Variants in SSU72 observed in about 807,000 individuals in gnomAD.
SSU72 encodes the protein SSU72 homolog, RNA polymerase II CTD phosphatase, also known as RNA polymerase II subunit A C-terminal domain phosphatase SSU72.
SSU72 carries 12 observed loss-of-function variants against 22.7 expected under a neutral mutation model. The ratio of observed to expected loss-of-function variants is 0.53; its 90% CI spans 0.34 to 0.86. The LOEUF (loss-of-function observed/expected upper bound fraction) is 0.86. Among genes scored for constraint, SSU72 ranks in the 40% least tolerant of loss-of-function variants. SSU72 has a pLI of 0.02. For synonymous variants in SSU72, 116 were observed against 98.3 expected (o/e 1.18, Z -1.06); for missense variants, 151 against 249.8 (o/e 0.60, Z 2.67).
In SSU72 at chr1:1,574,843, C is replaced by G. The variant is rs551051775; in HGVS notation, c.-286G>C. ...GTCCGCAGCAGAGACCCGCACTCCA[C>G]AAGGCCCGGCTGAGCGTCACGGCGC... On this transcript the variant is annotated 5_prime_UTR_variant, in exon 1 of 5. Coordinates refer to ENST00000291386, the MANE Select transcript of SSU72 (RefSeq NM_014188.3). The G allele has an allele frequency of 2.8e-6, 1 of 358,516 alleles. No homozygotes were observed. Among genetic ancestry groups the G allele is most frequent in the African/African-American group, 2.2e-5 (1 of 46,424 alleles). The allele number at this position is 358,516 out of a possible 1,614,324, so 22.2% of individuals were successfully genotyped here. A position where few individuals can be genotyped will look rare whatever the true frequency, so the allele number is the denominator to read the frequency against.
At chr1:1,559,409 A>G (rs191778130) in intron 2 of SSU72, among the ~76,000 whole-genome samples, 7 of 152,330 alleles carry the variant, frequency 4.6e-5, no homozygotes, top group African/African-American at 1.4e-4. Context: ...TGAAACCCAC[A>G]GAACTGGACA....
intron 2 of SSU72, among the ~76,000 whole-genome samples, chr1:1,547,580 T>C (rs984406886): frequency 6.6e-6 from 1 of 152,122 alleles, no homozygotes; most frequent in Non-Finnish European, 1.5e-5. Context: ...GACCAAGCCA[T>C]GAGCTCACAG....
At chr1:1,566,304 T>A (rs561654947) in intron 1 of SSU72, among the ~76,000 whole-genome samples, 1 of 152,280 alleles carries the variant, frequency 6.6e-6, no homozygotes, top group Admixed American at 6.5e-5. Flanking sequence ...ATAGAACATG[T>A]GTTCTTGTAA....
chr1:1,564,352 G>C (rs1032705946), intron 2 of SSU72: 2 of 951,826 alleles, frequency 2.1e-6, no homozygotes, highest in Non-Finnish European at 3.0e-6. Flanking sequence ...GACCTCACCA[G>C]ATGTGTGAAG....
intron 2 of SSU72, among the ~76,000 whole-genome samples, chr1:1,560,162 A>G (rs1277328583): frequency 3.3e-5 from 5 of 152,046 alleles, no homozygotes; most frequent in Non-Finnish European, 7.4e-5. Flanking sequence ...CCATGTATGT[A>G]TACTATTAAT....
At chr1:1,559,671 C>T (rs1329025081) in intron 2 of SSU72, among the ~76,000 whole-genome samples, 4 of 152,246 alleles carry the variant, frequency 2.6e-5, no homozygotes, top group South Asian at 2.1e-4. Context: ...GTGACCCTCC[C>T]GCCTCAGCCA....
chr1:1,541,808 A>T lies in SSU72; in HGVS notation c.*258T>A. On this transcript the variant is annotated 3_prime_UTR_variant, in exon 5 of 5. Coordinates refer to ENST00000291386, the MANE Select transcript of SSU72 (RefSeq NM_014188.3). ...GACACAGGTATGTCGGGAAGTGCAC[A>T]CAAACCGTTGTCTTTCCTTTTTGGT... is the stretch of plus-strand genomic sequence containing the variant. 2.1e-6 allele frequency: 1 copy of T among 472,730 alleles called. No individual in the cohort carries two copies. Among genetic ancestry groups the T allele is most frequent in the Non-Finnish European group, 3.9e-6 (1 of 258,442 alleles). 29.3% of individuals were successfully genotyped at this position (472,730 alleles called of 1,614,324 possible).
Position 1,542,184 on chromosome 1 carries a change from G to C in SSU72, c.484-17C>G, listed in dbSNP as rs186790150. The C allele has an allele frequency of 6.4e-7, 1 of 1,567,218 alleles. No homozygotes were observed. Among genetic ancestry groups the C allele is most frequent in the Non-Finnish European group, 8.7e-7 (1 of 1,155,536 alleles). On this transcript the variant is annotated splice_polypyrimidine_tract_variant and intron_variant, in intron 4 of 4. Transcript: ENST00000291386. This position sits in a 1 kb window ranked among gnomAD's most constrained non-coding sequence, Gnocchi z 4.4. ...GTGCTGGATCTGCAAGGACAGGACC[G>C]TGGTGAGGGCCTTGCCCACTCCTGC...
rs374293278 is a variant in SSU72, at chr1:1,542,055, G to A, written c.*11C>T. On this transcript the variant is annotated 3_prime_UTR_variant, in exon 5 of 5. Coordinates refer to ENST00000291386, the MANE Select transcript of SSU72 (RefSeq NM_014188.3). This position sits in a 1 kb window ranked among gnomAD's most constrained non-coding sequence, Gnocchi z 4.4. ...GGAAGCTCCAGAGGCGGCTCCATGC[G>A]GGCGCTGGGCTCAGTAGAAGCAGAC... 20 of 1,565,384 alleles carry A rather than the reference G, an allele frequency of 1.3e-5. No individual in the cohort carries two copies. Among genetic ancestry groups the A allele is most frequent in the Middle Eastern group, 1.7e-4 (1 of 6,024 alleles).
intron 2 of SSU72, 77 bp from the exon 3 acceptor site, chr1:1,545,079 C>T: frequency 1.3e-6 from 2 of 1,534,482 alleles, no homozygotes; most frequent in Admixed American, 1.8e-5. Context: ...TCCTGGACAC[C>T]CAGCCCCTTC....
At chr1:1,552,982 T>C (rs1013259225) in intron 2 of SSU72, among the ~76,000 whole-genome samples, 49 of 146,034 alleles carry the variant, frequency 3.4e-4, no homozygotes, top group Non-Finnish European at 5.6e-4. Flanking sequence ...GATTGCGCCA[T>C]TGCACTCCAG....
Position 1,574,673 on chromosome 1 carries a change from C to T in SSU72, c.-116G>A. The T allele has an allele frequency of 2.7e-6, 3 of 1,105,128 alleles. No homozygotes were observed. Among genetic ancestry groups the T allele is most frequent in the Non-Finnish European group, 2.5e-6 (2 of 803,234 alleles). The allele number at this position is 1,105,128 out of a possible 1,614,324, so 68.5% of individuals were successfully genotyped here. A position where few individuals can be genotyped will look rare whatever the true frequency, so the allele number is the denominator to read the frequency against. ...GGAAGCGGGCGACGCGAAACGACGGCGCCGGCGGTGTAGCGTGCGGCGACT... is the reference window on the plus strand; with the variant it reads ...GGAAGCGGGCGACGCGAAACGACGGTGCCGGCGGTGTAGCGTGCGGCGACT... On this transcript the variant is annotated 5_prime_UTR_variant, in exon 1 of 5. Coordinates refer to ENST00000291386, the MANE Select transcript of SSU72 (RefSeq NM_014188.3).
chr1:1,562,952 G>A (rs1225253012), intron 2 of SSU72: 9 of 152,366 alleles, frequency 5.9e-5, no homozygotes, highest in Non-Finnish European at 1.0e-4. Context: ...TCTGCCACCA[G>A]GATGGCTCCC....
chr1:1,560,292 T>C (rs1570393422), intron 2 of SSU72, among the ~76,000 whole-genome samples: 1 of 152,102 alleles, frequency 6.6e-6, no homozygotes. Flanking sequence ...CCCGAGTAGC[T>C]GTGCCACCAC....
chr1:1,542,007 G>A lies in SSU72; in HGVS notation c.*59C>T. The stretch of plus-strand genomic sequence containing the variant: ...CACCTGTAAGTAAAAACAAATGTCA[G>A]GAAGGAAAAAGTATGAACAACAGGA... On this transcript the variant is annotated 3_prime_UTR_variant, in exon 5 of 5. Coordinates refer to ENST00000291386, the MANE Select transcript of SSU72 (RefSeq NM_014188.3). The surrounding 1 kb of genome is among the most constrained non-coding windows in gnomAD (Gnocchi z 4.4). 1 of 1,497,040 alleles carries A rather than the reference G, an allele frequency of 6.7e-7. No homozygotes were observed. 92.7% of individuals were successfully genotyped at this position (1,497,040 alleles called of 1,614,324 possible). A position where few individuals can be genotyped will look rare whatever the true frequency, so the allele number is the denominator to read the frequency against.
intron 2 of SSU72, chr1:1,564,230 G>GACA (rs1273903222): frequency 5.7e-6 from 2 of 351,850 alleles, no homozygotes; most frequent in Non-Finnish European, 5.2e-6. Context: ...AGTCTTCGCG[G>GACA]CAGACCTAGC....
chr1:1,555,313 C>T (rs72634806), intron 2 of SSU72, among the ~76,000 whole-genome samples: 78 of 152,334 alleles, frequency 5.1e-4, no homozygotes, highest in Middle Eastern at 6.8e-3. Flanking sequence ...GAGACAGCCT[C>T]GGCGGCGCTG....
intron 1 of SSU72, 111 bp downstream of exon 1, chr1:1,574,367 G>T: frequency 8.3e-7 from 1 of 1,199,214 alleles, no homozygotes; most frequent in Non-Finnish European, 1.2e-6. Context: ...CACGAGCGCG[G>T]CCCGGCCCGG....
chr1:1,542,467 C>T lies in SSU72; in HGVS notation c.484-300G>A, dbSNP rs1448773371. 6.6e-6 allele frequency among the ~76,000 whole-genome samples: 1 copy of T among 152,126 alleles called. No individual in the cohort carries two copies. The highest frequency in any genetic ancestry group is 1.5e-5 in the Non-Finnish European group (1 of 68,012). ...GGAGACCTGGCGGCCAGGGCTCAGA[C>T]CCACACATGCACAGCGGGGCCGACC... On this transcript the variant is annotated intron_variant, in intron 4 of 4. Coordinates refer to ENST00000291386, the MANE Select transcript of SSU72 (RefSeq NM_014188.3). This position sits in a 1 kb window ranked among gnomAD's most constrained non-coding sequence, Gnocchi z 4.4.
Sources: gnomAD v4.1 joint callset for allele counts (sites outside exome capture counted in the v4.1 genomes callset) on GRCh38, gnomAD v4.1.1 for gene constraint, Gnocchi (gnomAD v3.1) non-coding constraint, MANE v1.5 for transcripts, NCBI Gene and HGNC (gene_info 2026-07-23, HGNC 2026-07-21) for gene names.